Variants in SLC9A4 observed in about 807,000 individuals in gnomAD.
SLC9A4 encodes the protein sodium/hydrogen exchanger 4.
Under a neutral mutation model 67.4 loss-of-function variants are expected in SLC9A4, and 63 were observed. The ratio of observed to expected loss-of-function variants is 0.93; its 90% confidence interval spans 0.76 to 1.15. The LOEUF (loss-of-function observed/expected upper bound fraction) is 1.15, where lower values mean the gene tolerates loss of function less well. SLC9A4 is among the 50% of genes most tolerant of loss of function. SLC9A4 has a pLI of 0.00. For synonymous variants in SLC9A4, 393 were observed against 367.2 expected (o/e 1.07, Z -0.80); for missense variants, 1,089 against 987.7 (o/e 1.10, Z -1.38).
At chr2:102,507,170 C>A (rs1440653333) in intron 4 of SLC9A4, among the ~76,000 whole-genome samples, 5 of 152,172 alleles carry the variant, frequency 3.3e-5, no homozygotes, top group African/African-American at 7.2e-5. Context: ...GGTCACATGA[C>A]TGGCATGGAG....
intron 2 of SLC9A4, among the ~76,000 whole-genome samples, chr2:102,484,121 A>G (rs995670178): frequency 4.6e-5 from 7 of 152,020 alleles, no homozygotes; most frequent in Non-Finnish European, 8.8e-5. Context: ...TGCTTTTACT[A>G]AGAGGCATGA....
At chr2:102,482,315 T>A (rs1684481731) in intron 2 of SLC9A4, among the ~76,000 whole-genome samples, 1 of 152,124 alleles carries the variant, frequency 6.6e-6, no homozygotes, top group Non-Finnish European at 1.5e-5. Flanking sequence ...AAACCTGTGT[T>A]ATTAAAACCT....
chr2:102,480,709 G>A (rs1395869290), intron 2 of SLC9A4, among the ~76,000 whole-genome samples: 2 of 152,178 alleles, frequency 1.3e-5, no homozygotes, highest in Non-Finnish European at 1.5e-5. Context: ...AATTTAAAAT[G>A]TGCTGCTGTT....
intron 2 of SLC9A4, among the ~76,000 whole-genome samples, chr2:102,489,229 T>G (rs1558661790): frequency 6.6e-6 from 1 of 151,994 alleles, no homozygotes; most frequent in Non-Finnish European, 1.5e-5. Context: ...AGGAGAGGGA[T>G]TTGCATAGAC....
In SLC9A4 at chr2:102,501,599, G is replaced by A. The variant is rs576345416; in HGVS notation, c.721-1849G>A. Among the ~76,000 whole-genome samples the A allele has an allele frequency of 9.9e-5, 15 of 152,108 alleles. No homozygotes were observed. The East Asian group carries it at 1.9e-3, about 20-fold the overall frequency. On this transcript the variant is annotated intron_variant, in intron 2 of 11. Transcript: ENST00000295269. The stretch of plus-strand genomic sequence containing the variant: ...ATGTTATAGGGAATCAGCAGAGGTC[G>A]GGCTTACAGAGGACCTGGAGGGGCC...
At chr2:102,529,713 T>C (rs914728794) in intron 11 of SLC9A4, among the ~76,000 whole-genome samples, 1 of 152,030 alleles carries the variant, frequency 6.6e-6, no homozygotes, top group African/African-American at 2.4e-5. Context: ...CAGTGGAGAG[T>C]CATGTTCTGC....
chr2:102,485,996 G>A (rs954028289), intron 2 of SLC9A4, among the ~76,000 whole-genome samples: 1 of 152,216 alleles, frequency 6.6e-6, no homozygotes, highest in Admixed American at 6.5e-5. Context: ...CCTGGACACA[G>A]GGCACATGAG....
intron 1 of SLC9A4, among the ~76,000 whole-genome samples, chr2:102,476,036 T>C (rs1684323188): frequency 6.6e-6 from 1 of 152,228 alleles, no homozygotes; most frequent in South Asian, 2.1e-4. Flanking sequence ...GTCCCTGACC[T>C]CAAGGGACTT....
rs768885916 is a variant in SLC9A4 at position 102,508,909 on chromosome 2, C to T, written c.1464C>T (p.Ser488=). 7 of 1,612,398 alleles carry T rather than the reference C, an allele frequency of 4.3e-6. No homozygotes were observed. In the Admixed American group the frequency reaches 5.0e-5, roughly 12 times the overall value. ...LDVKKTNKKE[S]INEELHIRLM... is the part of the protein sequence containing the mutation. The stretch of plus-strand genomic sequence containing the variant: ...TTAAAAAAACCAATAAAAAAGAATC[C>T]ATCAATGAAGAGCTTCATATTCGTG... The change falls in exon 6 of 12, where the codon TCC becomes TCT. Residue 488 remains serine (S), a synonymous_variant. Transcript: ENST00000295269.
intron 9 of SLC9A4, among the ~76,000 whole-genome samples, chr2:102,521,111 G>A (rs1007751130): frequency 6.6e-6 from 1 of 152,188 alleles, no homozygotes; most frequent in Non-Finnish European, 1.5e-5. Flanking sequence ...TTCCTGGTTT[G>A]AAAAATGTGG....
chr2:102,492,364 C>T (rs946066614), intron 2 of SLC9A4, among the ~76,000 whole-genome samples: 8 of 152,272 alleles, frequency 5.3e-5, no homozygotes, highest in African/African-American at 1.9e-4. Context: ...CAGAAAACTT[C>T]AGCCTGGACA....
At position 102,478,919 on chromosome 2, in the gene SLC9A4, A is replaced by G. The variant is rs779682479; in HGVS notation, c.337A>G (p.Ile113Val). The change falls in exon 2 of 12, where the codon ATC (isoleucine) becomes GTC (valine). Residue 113 changes from isoleucine (I) to valine (V), a missense_variant. Ile to Val is a conservative substitution (Grantham distance 29). Coordinates refer to ENST00000295269, the MANE Select transcript of SLC9A4 (RefSeq NM_001011552.4). ...LILVGALVGG[I>V]IFGTDHKSPP... ...CCTGGTGGGGGCGCTGGTGGGCGGC[A>G]TCATCTTCGGCACCGACCACAAATC... 9 of 1,613,964 alleles carry G rather than the reference A, an allele frequency of 5.6e-6. No individual in the cohort carries two copies. Among genetic ancestry groups the G allele is most frequent in the Non-Finnish European group, 7.6e-6 (9 of 1,179,996 alleles).
chr2:102,524,768 G>T (rs1674624875), intron 9 of SLC9A4, among the ~76,000 whole-genome samples: 1 of 152,218 alleles, frequency 6.6e-6, no homozygotes, highest in African/African-American at 2.4e-5. Flanking sequence ...GTAACTAAGA[G>T]AAAGACCTCT....
In SLC9A4 at chr2:102,508,100, T is replaced by A. The variant is rs1685085897; in HGVS notation, c.1220T>A (p.Ile407Asn). The change falls in exon 5 of 12, where the codon ATC becomes AAC. Residue 407 changes from isoleucine to asparagine, a missense_variant. By Grantham distance (149) the Ile-to-Asn change is moderately radical. Coordinates refer to ENST00000295269, the MANE Select transcript of SLC9A4 (RefSeq NM_001011552.4). ...RAISVFALFY[I>N]SNQFRTFPFS... ...CTAGGCGTATTTGCTCTCTTCTATA[T>A]CAGTAACCAGTTTCGGACTTTCCCC... 6.2e-7 allele frequency: 1 copy of A among 1,614,034 alleles called. No homozygotes were observed. Among genetic ancestry groups the A allele is most frequent in the African/African-American group, 1.3e-5 (1 of 74,914 alleles).
intron 6 of SLC9A4, among the ~76,000 whole-genome samples, chr2:102,509,485 A>G (rs966734746): frequency 6.6e-6 from 1 of 152,224 alleles, no homozygotes; most frequent in Non-Finnish European, 1.5e-5. Context: ...TAAGACATGG[A>G]TATCTTTGCA....
chr2:102,510,247 A>ACAGATC (rs1685135943), intron 6 of SLC9A4, among the ~76,000 whole-genome samples: 2 of 148,732 alleles, frequency 1.3e-5, no homozygotes, highest in African/African-American at 5.0e-5. Context: ...AGATACAGAT[A>ACAGATC]CAGATACAGA....
chr2:102,478,752 G>A, intron 1 of SLC9A4, 87 bp from the exon 2 acceptor site: 1 of 1,318,432 alleles, frequency 7.6e-7, no homozygotes, highest in Non-Finnish European at 1.0e-6. Flanking sequence ...GCTTGTCCAC[G>A]GTCCTGTCTG....
At chr2:102,488,257 T>C (rs970921551) in intron 2 of SLC9A4, among the ~76,000 whole-genome samples, 5 of 152,066 alleles carry the variant, frequency 3.3e-5, no homozygotes, top group Non-Finnish European at 5.9e-5. Context: ...ACATGCCCGG[T>C]GTCACGTGAA....
In SLC9A4 at chr2:102,505,481, G is replaced by A. The variant is rs754454946; in HGVS notation, c.1198+10G>A. 16 of 1,612,450 alleles carry A rather than the reference G, an allele frequency of 9.9e-6. No individual in the cohort carries two copies. Among genetic ancestry groups the A allele is most frequent in the Non-Finnish European group, 1.3e-5 (15 of 1,179,536 alleles). On this transcript the variant is annotated intron_variant, in intron 4 of 11. Transcript: ENST00000295269. ...ATCTGGAGAGCCATCAGTAAGAGAC[G>A]GCAGGGCTCCAGAGTCTCCGGTCCT... is the stretch of plus-strand genomic sequence containing the variant.
Sources: gnomAD v4.1 joint callset for allele counts (sites outside exome capture counted in the v4.1 genomes callset) on GRCh38, gnomAD v4.1.1 for gene constraint, MANE v1.5 for transcripts, NCBI Gene and HGNC (gene_info 2026-07-23, HGNC 2026-07-21) for gene names.